The following CYRIA variants were observed in gnomAD, a reference collection of about 807,000 sequenced individuals.
The protein encoded by CYRIA is CYFIP related Rac1 interactor A.
In CYRIA, 15 loss-of-function variants were observed where a neutral mutation model predicts 43.9. The observed-to-expected ratio is 0.34, with a 90% CI of 0.23 to 0.53. CYRIA has a LOEUF of 0.53. Ranked by LOEUF, CYRIA falls within the 20% of genes least tolerant of loss-of-function variation. CYRIA has a pLI of 0.94. For synonymous variants in CYRIA, 117 were observed against 136.0 expected (o/e 0.86, Z 0.97); for missense variants, 236 against 394.2 (o/e 0.60, Z 3.40).
At chr2:16,600,523 C>T (rs138866926) in intron 2 of CYRIA, among the ~76,000 whole-genome samples, 8 of 152,296 alleles carry the variant, frequency 5.3e-5, no homozygotes, top group Non-Finnish European at 8.8e-5. Context: ...TCAGGTGATG[C>T]ACATTCTATT....
At chr2:16,606,557 A>C (rs1286846615) in intron 2 of CYRIA, among the ~76,000 whole-genome samples, 1 of 152,068 alleles carries the variant, frequency 6.6e-6, no homozygotes, top group Non-Finnish European at 1.5e-5. Flanking sequence ...AAAAAAAAAA[A>C]AAAACAAAAT....
chr2:16,647,247 G>A (rs888755996), intron 1 of CYRIA, among the ~76,000 whole-genome samples: 3 of 152,242 alleles, frequency 2.0e-5, no homozygotes, highest in Non-Finnish European at 2.9e-5. Flanking sequence ...GCAAATTAGC[G>A]AGTTGAAATT....
At chr2:16,641,316 C>T (rs1382999238) in intron 1 of CYRIA, among the ~76,000 whole-genome samples, 2 of 152,230 alleles carry the variant, frequency 1.3e-5, no homozygotes, top group African/African-American at 4.8e-5. Flanking sequence ...TCCTTCTCCT[C>T]CGTATGCCAC....
chr2:16,559,618 T>A (rs766072368), intron 9 of CYRIA, 32 bp from the exon 10 acceptor site: 32 of 1,605,660 alleles, frequency 2.0e-5, no homozygotes, highest in Non-Finnish European at 2.7e-5. Context: ...TGGCGTCACT[T>A]CCTTGTCAGA....
intron 1 of CYRIA, among the ~76,000 whole-genome samples, chr2:16,632,432 T>C (rs1669353393): frequency 6.6e-6 from 1 of 151,990 alleles, no homozygotes; most frequent in African/African-American, 2.4e-5. Flanking sequence ...AATTCCTGTC[T>C]GTGCCACCTC....
rs1669931027 is a variant in CYRIA, at chr2:16,650,033, A to G, written c.-167+15747T>C. Among the ~76,000 whole-genome samples the G allele has an allele frequency of 6.6e-6, 1 of 152,186 alleles. No individual in the cohort carries two copies. The highest frequency in any genetic ancestry group is 2.4e-5 in the African/African-American group (1 of 41,436). On this transcript the variant is annotated intron_variant, in intron 1 of 11. Coordinates refer to ENST00000381323, the MANE Select transcript of CYRIA (RefSeq NM_030797.4). This position sits in a 1 kb window ranked among gnomAD's most constrained non-coding sequence, Gnocchi z 4.1. ...GTCATGAGCATGACACATTCCAAGAAGCACACACCCCCTCAGCCCAGGTTC... is the reference window on the plus strand; with the variant it reads ...GTCATGAGCATGACACATTCCAAGAGGCACACACCCCCTCAGCCCAGGTTC...
intron 2 of CYRIA, among the ~76,000 whole-genome samples, chr2:16,605,552 G>T (rs973512906): frequency 3.4e-4 from 51 of 152,216 alleles, no homozygotes; most frequent in African/African-American, 1.1e-3. Flanking sequence ...CAAATGGAAA[G>T]GTACCCCATG....
At chr2:16,577,347 C>A (rs1572473605) in intron 3 of CYRIA, among the ~76,000 whole-genome samples, 2 of 152,104 alleles carry the variant, frequency 1.3e-5, no homozygotes, top group East Asian at 3.9e-4. Context: ...ATCTGTAACA[C>A]ATTTAGATAT....
chr2:16,590,430 G>T (rs1389871181), intron 2 of CYRIA, among the ~76,000 whole-genome samples: 1 of 152,092 alleles, frequency 6.6e-6, no homozygotes, highest in Non-Finnish European at 1.5e-5. Flanking sequence ...GTGCTTTGAT[G>T]GAAGCTAAAT....
At chr2:16,613,960 T>A (rs1668692936) in intron 2 of CYRIA, among the ~76,000 whole-genome samples, 1 of 152,294 alleles carries the variant, frequency 6.6e-6, no homozygotes, top group East Asian at 1.9e-4. Context: ...TTAGTAATTA[T>A]CCTCTCCAGC....
chr2:16,638,451 G>A (rs1325098428), intron 1 of CYRIA, among the ~76,000 whole-genome samples: 1 of 152,150 alleles, frequency 6.6e-6, no homozygotes, highest in Non-Finnish European at 1.5e-5. Flanking sequence ...ATCAGAGTGT[G>A]AATTCCATGC....
At chr2:16,653,124 G>A (rs1304062796) in intron 1 of CYRIA, among the ~76,000 whole-genome samples, 1 of 152,164 alleles carries the variant, frequency 6.6e-6, no homozygotes, top group East Asian at 1.9e-4. Context: ...TGGTGCACAG[G>A]CCAGCATGAG....
intron 3 of CYRIA, among the ~76,000 whole-genome samples, chr2:16,572,231 G>T (rs545205378): frequency 7.5e-4 from 114 of 152,252 alleles, no homozygotes; most frequent in Middle Eastern, 6.8e-3. Flanking sequence ...AAAAGAGAGG[G>T]AAGCTAAGAA....
intron 10 of CYRIA, among the ~76,000 whole-genome samples, chr2:16,558,832 C>T (rs535720938): frequency 3.9e-5 from 6 of 152,092 alleles, no homozygotes; most frequent in African/African-American, 7.2e-5. Context: ...AAATACAGAA[C>T]GGTGAGTGCT....
intron 1 of CYRIA, among the ~76,000 whole-genome samples, chr2:16,642,915 C>A (rs1385218802): frequency 6.6e-6 from 1 of 151,838 alleles, no homozygotes; most frequent in Non-Finnish European, 1.5e-5. Context: ...TGGTTCGGCT[C>A]CATTTTTCCC....
chr2:16,619,084 G>C (rs920675450), intron 2 of CYRIA, among the ~76,000 whole-genome samples: 3 of 152,096 alleles, frequency 2.0e-5, no homozygotes, highest in Non-Finnish European at 2.9e-5. Flanking sequence ...TTCTGTACCT[G>C]GTCCCAGGCT....
At chr2:16,657,626 G>A (rs562430515) in intron 1 of CYRIA, among the ~76,000 whole-genome samples, 96 of 152,256 alleles carry the variant, frequency 6.3e-4, no homozygotes, top group Middle Eastern at 6.8e-3. Flanking sequence ...TCCAAAGGTA[G>A]GATATTCACT....
chr2:16,663,911 C>T (rs548073513), intron 1 of CYRIA, among the ~76,000 whole-genome samples: 5 of 152,212 alleles, frequency 3.3e-5, no homozygotes, highest in East Asian at 3.9e-4. Context: ...AACAGAGATG[C>T]GTGTATGTCA....
At chr2:16,579,677 G>C (rs1275166120) in intron 3 of CYRIA, among the ~76,000 whole-genome samples, 3 of 151,856 alleles carry the variant, frequency 2.0e-5, no homozygotes, top group Non-Finnish European at 4.4e-5. Flanking sequence ...CAAGCAAAAA[G>C]TGACACAACT....
Sources: allele counts gnomAD v4.1 joint callset (sites outside exome capture counted in the v4.1 genomes callset), GRCh38; gene constraint gnomAD v4.1.1; non-coding constraint Gnocchi (gnomAD v3.1); transcripts MANE v1.5; gene names NCBI Gene and HGNC (gene_info 2026-07-23, HGNC 2026-07-21).